The following KHDRBS2 variants were observed in gnomAD, a reference collection of about 807,000 sequenced individuals.
The protein encoded by KHDRBS2 is KH RNA binding domain containing, signal transduction associated 2.
Under a neutral mutation model 44.3 loss-of-function variants are expected in KHDRBS2, and 26 were observed. That is an observed-to-expected ratio of 0.59 (90% CI 0.43 to 0.81). KHDRBS2 has a LOEUF of 0.81. KHDRBS2 is among the 40% of genes least tolerant of loss of function. KHDRBS2 has a pLI of 0.00. For synonymous variants in KHDRBS2, 194 were observed against 151.1 expected, an observed-to-expected ratio of 1.28 and a Z score of -2.08; for missense variants, 476 against 433.1, an observed-to-expected ratio of 1.10 and a Z score of -0.88.
At chr6:61,826,567 T>C (rs1457182779) in intron 6 of KHDRBS2, among the ~76,000 whole-genome samples, 1 of 152,082 alleles carries the variant, frequency 6.6e-6, no homozygotes, top group African/African-American at 2.4e-5. Context: ...ATGGACCCTT[T>C]GTTGAGCTCT....
At chr6:62,245,333 C>T (rs1283591480) in intron 1 of KHDRBS2, among the ~76,000 whole-genome samples, 7 of 152,104 alleles carry the variant, frequency 4.6e-5, no homozygotes, top group East Asian at 1.9e-4. Flanking sequence ...TTTAACCCTA[C>T]GTAGTCCATG....
chr6:62,007,911 T>C (rs1313696419), intron 3 of KHDRBS2, among the ~76,000 whole-genome samples: 3 of 152,160 alleles, frequency 2.0e-5, no homozygotes, highest in African/African-American at 7.2e-5. Flanking sequence ...TGGCAAAATA[T>C]GGTAGAGATA....
chr6:62,180,516 C>A (rs2150125280), intron 1 of KHDRBS2, among the ~76,000 whole-genome samples: 2 of 151,650 alleles, frequency 1.3e-5, no homozygotes, highest in South Asian at 4.2e-4. Context: ...CGCTGAAAAC[C>A]AAAAGCATTG....
the KHDRBS2 span, among the ~76,000 whole-genome samples, chr6:61,569,875 C>A: frequency 6.6e-6 from 1 of 152,082 alleles, no homozygotes; most frequent in Admixed American, 6.6e-5. Context: ...AGGGGAAAGA[C>A]GAGAACACCA....
At chr6:62,185,520 A>G (rs1244987787) in intron 1 of KHDRBS2, among the ~76,000 whole-genome samples, 3 of 151,976 alleles carry the variant, frequency 2.0e-5, no homozygotes, top group Non-Finnish European at 4.4e-5. Flanking sequence ...TTGAAGGCAT[A>G]AGAGACTGTC....
At chr6:62,195,725 C>T (rs985793560) in intron 1 of KHDRBS2, among the ~76,000 whole-genome samples, 3 of 152,020 alleles carry the variant, frequency 2.0e-5, no homozygotes, top group East Asian at 1.9e-4. Flanking sequence ...TAAAAATACA[C>T]AAAGTGTGCA....
the KHDRBS2 span, among the ~76,000 whole-genome samples, chr6:61,645,735 T>C: frequency 6.6e-6 from 1 of 152,214 alleles, no homozygotes; most frequent in African/African-American, 2.4e-5. Flanking sequence ...AATAACACAT[T>C]AAAGGCTTAG....
At chr6:62,272,321 T>C (rs1034141379) in intron 1 of KHDRBS2, among the ~76,000 whole-genome samples, 1 of 152,190 alleles carries the variant, frequency 6.6e-6, no homozygotes, top group African/African-American at 2.4e-5. Context: ...TCTTTGGCAC[T>C]GAGTAACAAA....
At chr6:61,951,388 A>C (rs1487289073) in intron 4 of KHDRBS2, among the ~76,000 whole-genome samples, 1 of 152,110 alleles carries the variant, frequency 6.6e-6, no homozygotes, top group Non-Finnish European at 1.5e-5. Context: ...TTATCAATCT[A>C]CCAATCATTT....
chr6:61,836,351 A>G (rs1404230405), intron 6 of KHDRBS2, among the ~76,000 whole-genome samples: 1 of 152,014 alleles, frequency 6.6e-6, no homozygotes, highest in African/African-American at 2.4e-5. Context: ...GACTCCATGT[A>G]AGACAAGTTT....
intron 3 of KHDRBS2, among the ~76,000 whole-genome samples, chr6:61,991,809 A>AG: frequency 6.6e-6 from 1 of 152,298 alleles, no homozygotes; most frequent in East Asian, 1.9e-4. Flanking sequence ...TAAGCCAGAG[A>AG]GGGGAAAACA....
intron 4 of KHDRBS2, among the ~76,000 whole-genome samples, chr6:61,930,254 T>C (rs1011599544): frequency 6.6e-6 from 1 of 151,888 alleles, no homozygotes; most frequent in African/African-American, 2.4e-5. Context: ...AGAAATAAAT[T>C]TTTCTTCTTT....
intron 2 of KHDRBS2, among the ~76,000 whole-genome samples, chr6:62,133,442 C>T (rs1810806513): frequency 6.6e-6 from 1 of 152,156 alleles, no homozygotes. Flanking sequence ...TGAGGCCTCT[C>T]CAGTAAGTGG....
At chr6:61,601,078 C>T in the KHDRBS2 span, among the ~76,000 whole-genome samples, 1 of 152,164 alleles carries the variant, frequency 6.6e-6, no homozygotes, top group Non-Finnish European at 1.5e-5. Context: ...TGGTCATTCA[C>T]CCACATTCCC....
At chr6:61,962,357 A>G (rs1342811687) in intron 4 of KHDRBS2, among the ~76,000 whole-genome samples, 1 of 152,112 alleles carries the variant, frequency 6.6e-6, no homozygotes, top group Non-Finnish European at 1.5e-5. Flanking sequence ...AATATTCTCA[A>G]AAACTTGCTG....
Position 62,103,186 on chromosome 6 carries a change from G to A in KHDRBS2, c.220-55192C>T, listed in dbSNP as rs569710486. On this transcript the variant is annotated intron_variant, in intron 2 of 8. Transcript: ENST00000281156. ...CCCAGAACTTGCAGCCCAGCTTCCA[G>A]GCTTCCAGTCATCCCTGACTTGAAG... Among the ~76,000 whole-genome samples, 121 of 152,254 alleles carry A rather than the reference G, an allele frequency of 7.9e-4. 1 individual carries two copies. The highest frequency in any genetic ancestry group is 1.2e-4 in the African/African-American group (5 of 41,556).
intron 2 of KHDRBS2, among the ~76,000 whole-genome samples, chr6:62,165,899 T>G (rs1818583685): frequency 6.6e-6 from 1 of 151,926 alleles, no homozygotes; most frequent in African/African-American, 2.4e-5. Flanking sequence ...TATGCAACTA[T>G]CCACTTCTAG....
chr6:61,716,683 C>T (rs1771482396), intron 7 of KHDRBS2, among the ~76,000 whole-genome samples: 1 of 152,026 alleles, frequency 6.6e-6, no homozygotes, highest in Non-Finnish European at 1.5e-5. Flanking sequence ...CATACTTTGA[C>T]AGTCGTATAC....
chr6:61,999,343 T>C (rs1475474718), intron 3 of KHDRBS2, among the ~76,000 whole-genome samples: 2 of 152,174 alleles, frequency 1.3e-5, no homozygotes, highest in Non-Finnish European at 2.9e-5. Flanking sequence ...GCATAGTTAC[T>C]GAAATGGATA....
Sources: gnomAD v4.1 joint callset for allele counts (sites outside exome capture counted in the v4.1 genomes callset) on GRCh38, gnomAD v4.1.1 for gene constraint, MANE v1.5 for transcripts, NCBI Gene and HGNC (gene_info 2026-07-23, HGNC 2026-07-21) for gene names.